Variants in DPP10 observed in about 807,000 individuals in gnomAD.
DPP10 encodes inactive dipeptidyl peptidase 10.
In DPP10, 33 loss-of-function variants were observed where a neutral mutation model predicts 120.9. That is an observed-to-expected ratio of 0.27 (90% CI 0.21 to 0.37). The LOEUF is 0.37. Ranked by LOEUF, DPP10 falls within the 10% of genes least tolerant of loss-of-function variation. The pLI is 1.00. For missense variants in DPP10, 816 were observed against 942.8 expected (o/e 0.87, Z 1.76); for synonymous variants, 337 against 326.1 (o/e 1.03, Z -0.36).
chr2:115,172,032 TGA>T (rs2053385344), intron 1 of DPP10, among the ~76,000 whole-genome samples: 1 of 152,204 alleles, frequency 6.6e-6, no homozygotes, highest in Non-Finnish European at 1.5e-5. Context: ...ACACTCAGCA[TGA>T]ATAAGCAACT....
chr2:114,921,377 T>C (rs1454417104), intron 1 of DPP10, among the ~76,000 whole-genome samples: 3 of 152,234 alleles, frequency 2.0e-5, no homozygotes, highest in African/African-American at 7.2e-5. Flanking sequence ...AAGTACATTG[T>C]ATAAAACACA....
At chr2:115,179,732 T>G (rs1010821357) in intron 1 of DPP10, among the ~76,000 whole-genome samples, 8 of 152,156 alleles carry the variant, frequency 5.3e-5, no homozygotes, top group Non-Finnish European at 1.2e-4. Flanking sequence ...TATTCTAAAC[T>G]TGGCAAATTT....
intron 5 of DPP10, among the ~76,000 whole-genome samples, chr2:115,569,491 TAGA>T (rs1261913630): frequency 6.6e-6 from 1 of 152,228 alleles, no homozygotes; most frequent in African/African-American, 2.4e-5. Flanking sequence ...TTATACTTGG[TAGA>T]AGGACAAGAA....
intron 3 of DPP10, among the ~76,000 whole-genome samples, chr2:115,384,866 G>A (rs1037037407): frequency 4.6e-5 from 7 of 152,140 alleles, no homozygotes; most frequent in Non-Finnish European, 8.8e-5. Context: ...TTTTACTCCC[G>A]TAATTCCCAC....
In DPP10 at chr2:115,452,115, C is replaced by CT. The variant is rs572536193; in HGVS notation, c.272-47391dup. Among the ~76,000 whole-genome samples, 3 of 152,006 alleles carry CT rather than the reference C, an allele frequency of 2.0e-5. No individual in the cohort carries two copies. The South Asian group carries it at 6.2e-4, about 31-fold the overall frequency. ...AACAGATTTTCTCATTCTCAGTTAT[C>CT]TTTTCTCATTACTCTTCTTCTTCTT... On this transcript the variant is annotated intron_variant, in intron 3 of 25. Coordinates refer to ENST00000410059, the MANE Select transcript of DPP10 (RefSeq NM_020868.6).
At chr2:114,550,326 C>T (rs1305406453) in intron 1 of DPP10, among the ~76,000 whole-genome samples, 1 of 152,182 alleles carries the variant, frequency 6.6e-6, no homozygotes, top group Non-Finnish European at 1.5e-5. Flanking sequence ...ATTTGCCAGG[C>T]ACAGTTCTAA....
At chr2:115,363,268 AGTTT>A (rs2064890957) in intron 3 of DPP10, among the ~76,000 whole-genome samples, 1 of 152,222 alleles carries the variant, frequency 6.6e-6, no homozygotes, top group African/African-American at 2.4e-5. Context: ...GTGATAAAAT[AGTTT>A]GTTTGCACAT....
chr2:115,811,863 T>C (rs1000485885), intron 19 of DPP10, among the ~76,000 whole-genome samples: 1 of 152,214 alleles, frequency 6.6e-6, no homozygotes. Flanking sequence ...GTGCATTTAA[T>C]TACTGTACAA....
At chr2:115,424,759 G>A (rs1274190546) in intron 3 of DPP10, among the ~76,000 whole-genome samples, 1 of 152,118 alleles carries the variant, frequency 6.6e-6, no homozygotes. Context: ...ATAGGTAGCT[G>A]ATACATCTAA....
chr2:114,539,310 A>G (rs1686770423), intron 1 of DPP10, among the ~76,000 whole-genome samples: 1 of 151,534 alleles, frequency 6.6e-6, no homozygotes, highest in Non-Finnish European at 1.5e-5. Flanking sequence ...ATTCATATAT[A>G]TACATACACA....
chr2:114,974,511 G>A (rs1185312485), intron 1 of DPP10, among the ~76,000 whole-genome samples: 1 of 149,798 alleles, frequency 6.7e-6, no homozygotes, highest in Non-Finnish European at 1.5e-5. Context: ...TCCCCTTACT[G>A]GGTTCAAGCG....
intron 1 of DPP10, among the ~76,000 whole-genome samples, chr2:114,902,372 A>G (rs150635641): frequency 7.2e-5 from 11 of 152,322 alleles, no homozygotes; most frequent in Admixed American, 2.0e-4. Context: ...TGTGTCATAA[A>G]TCAAGCATTT....
chr2:115,497,480 G>A (rs1212657890), intron 3 of DPP10, among the ~76,000 whole-genome samples: 1 of 152,010 alleles, frequency 6.6e-6, no homozygotes, highest in African/African-American at 2.4e-5. Context: ...GCTACTTGTC[G>A]AGTGTTTTGT....
Position 115,461,541 on chromosome 2 carries a change from T to A in DPP10, c.272-37969T>A, listed in dbSNP as rs765247613. ...ATTTTAAATGTTCTCACCACACTTA[T>A]AAGCAAAAACTGGTAACTCTGTGAA... On this transcript the variant is annotated intron_variant, in intron 3 of 25. Coordinates refer to ENST00000410059, the MANE Select transcript of DPP10 (RefSeq NM_020868.6). Among the ~76,000 whole-genome samples the A allele has an allele frequency of 3.8e-4, 58 of 152,106 alleles. 2 individuals are homozygous for A. Among genetic ancestry groups the A allele is most frequent in the Non-Finnish European group, 7.4e-5 (5 of 67,986 alleles).
At chr2:114,684,713 C>T (rs1699256258) in intron 1 of DPP10, among the ~76,000 whole-genome samples, 4 of 151,890 alleles carry the variant, frequency 2.6e-5, no homozygotes, top group South Asian at 2.1e-4. Context: ...ACACATTTCA[C>T]GAAGGAAAGA....
chr2:115,473,294 T>C (rs915657382), intron 3 of DPP10, among the ~76,000 whole-genome samples: 6 of 152,188 alleles, frequency 3.9e-5, no homozygotes, highest in Non-Finnish European at 8.8e-5. Flanking sequence ...TGGTTTCTGT[T>C]ATTTATTTGA....
chr2:115,505,187 G>A (rs2076876884), intron 4 of DPP10, among the ~76,000 whole-genome samples: 1 of 151,790 alleles, frequency 6.6e-6, no homozygotes, highest in Admixed American at 6.6e-5. Flanking sequence ...TGTTAAATGA[G>A]TAAGTCATCC....
intron 1 of DPP10, among the ~76,000 whole-genome samples, chr2:114,897,832 A>G (rs549363664): frequency 1.3e-4 from 20 of 152,090 alleles, no homozygotes; most frequent in Non-Finnish European, 2.1e-4. Flanking sequence ...GGCAATCATT[A>G]AAAAGTCAGG....
At chr2:114,791,128 A>G (rs149854058) in intron 1 of DPP10, among the ~76,000 whole-genome samples, 114 of 152,328 alleles carry the variant, frequency 7.5e-4, no homozygotes, top group African/African-American at 2.7e-3. Context: ...TTCAAATGTT[A>G]GGTCATACCA....
Sources: allele counts gnomAD v4.1 joint callset (sites outside exome capture counted in the v4.1 genomes callset), GRCh38; gene constraint gnomAD v4.1.1; transcripts MANE v1.5; gene names NCBI Gene and HGNC (gene_info 2026-07-23, HGNC 2026-07-21).